The following NDUFAF2 variants were observed in gnomAD, a reference collection of about 807,000 sequenced individuals.
NDUFAF2 encodes NADH dehydrogenase [ubiquinone] 1 alpha subcomplex assembly factor 2.
NDUFAF2 carries 13 observed loss-of-function variants against 22.8 expected under a neutral mutation model. The observed-to-expected ratio is 0.57, with a 90% CI of 0.37 to 0.91. The LOEUF is 0.91. NDUFAF2 is among the 40% of genes least tolerant of loss of function. NDUFAF2 has a pLI of 0.01. For synonymous variants in NDUFAF2, 53 were observed against 64.2 expected, an observed-to-expected ratio of 0.83 and a Z score of 0.84; for missense variants, 162 against 195.2, an observed-to-expected ratio of 0.83 and a Z score of 1.01.
At chr5:60,945,460 A>G (rs1312281076) in intron 1 of NDUFAF2, 78 bp downstream of exon 1, 19 of 1,595,516 alleles carry the variant, frequency 1.2e-5, no homozygotes, top group Middle Eastern at 3.3e-4. Context: ...GAGAGCCCCT[A>G]GTCAACTAAC....
chr5:61,015,361 A>G (rs980622789), intron 1 of NDUFAF2, among the ~76,000 whole-genome samples: 1 of 152,148 alleles, frequency 6.6e-6, no homozygotes, highest in African/African-American at 2.4e-5. Flanking sequence ...GGCTCACTGC[A>G]ACCTCTGCCT....
intron 3 of NDUFAF2, among the ~76,000 whole-genome samples, chr5:61,109,701 A>C (rs1394336924): frequency 1.3e-5 from 2 of 152,128 alleles, no homozygotes; most frequent in Non-Finnish European, 2.9e-5. Flanking sequence ...TAGTGAGTAA[A>C]TTCTCATGAG....
At chr5:61,033,412 C>A (rs1443272287) in intron 1 of NDUFAF2, among the ~76,000 whole-genome samples, 1 of 152,080 alleles carries the variant, frequency 6.6e-6, no homozygotes, top group Non-Finnish European at 1.5e-5. Context: ...TTAAAGACAT[C>A]ATTTCAAGTA....
chr5:60,971,382 G>A (rs1014759091), intron 1 of NDUFAF2, among the ~76,000 whole-genome samples: 3 of 151,648 alleles, frequency 2.0e-5, no homozygotes, highest in Non-Finnish European at 4.4e-5. Context: ...CGCCTCCCGG[G>A]TTCACGCCAT....
intron 1 of NDUFAF2, among the ~76,000 whole-genome samples, chr5:60,975,816 G>A (rs1043446751): frequency 2.6e-5 from 4 of 152,148 alleles, no homozygotes; most frequent in African/African-American, 9.7e-5. Flanking sequence ...TTTTTAACAA[G>A]AAGGGAGGGA....
At chr5:61,045,079 T>A (rs1028087624) in intron 1 of NDUFAF2, among the ~76,000 whole-genome samples, 1 of 141,728 alleles carries the variant, frequency 7.1e-6, no homozygotes, top group African/African-American at 2.5e-5. Context: ...TTATTAAAAT[T>A]TAATAAAATA....
At chr5:61,134,947 A>G (rs1740901065) in intron 3 of NDUFAF2, among the ~76,000 whole-genome samples, 1 of 152,122 alleles carries the variant, frequency 6.6e-6, no homozygotes, top group South Asian at 2.1e-4. Flanking sequence ...AAAGGAATAC[A>G]AAGAAATCCT....
At chr5:61,030,160 T>G (rs576771260) in intron 1 of NDUFAF2, among the ~76,000 whole-genome samples, 1 of 152,224 alleles carries the variant, frequency 6.6e-6, no homozygotes, top group Admixed American at 6.5e-5. Flanking sequence ...ACAGTGAGTG[T>G]GAGGGTCTTT....
chr5:61,101,779 A>G (rs1056365796), intron 3 of NDUFAF2, among the ~76,000 whole-genome samples: 2 of 152,182 alleles, frequency 1.3e-5, no homozygotes, highest in African/African-American at 2.4e-5. Flanking sequence ...AAACATGTGC[A>G]AGATCTGTGT....
At chr5:61,040,298 G>A (rs867546040) in intron 1 of NDUFAF2, among the ~76,000 whole-genome samples, 2 of 149,630 alleles carry the variant, frequency 1.3e-5, no homozygotes, top group South Asian at 2.1e-4. Flanking sequence ...GCGCGCGCGC[G>A]CGCGAAAGTT....
intron 3 of NDUFAF2, among the ~76,000 whole-genome samples, chr5:61,121,327 A>G (rs542317726): frequency 6.6e-6 from 1 of 152,322 alleles, no homozygotes; most frequent in Non-Finnish European, 1.5e-5. Flanking sequence ...CTAAAACATC[A>G]GTAAATAGAT....
intron 1 of NDUFAF2, among the ~76,000 whole-genome samples, chr5:60,974,235 C>G (rs1224687012): frequency 6.6e-6 from 1 of 152,184 alleles, no homozygotes; most frequent in Non-Finnish European, 1.5e-5. Flanking sequence ...TCATCTTTCT[C>G]CTATGCCGGA....
chr5:61,060,333 A>G (rs1217665892), intron 1 of NDUFAF2, among the ~76,000 whole-genome samples: 1 of 152,164 alleles, frequency 6.6e-6, no homozygotes, highest in African/African-American at 2.4e-5. Flanking sequence ...GTTCAGAATA[A>G]CAAAGTTTGA....
chr5:61,113,482 G>T (rs1752870728), intron 3 of NDUFAF2, among the ~76,000 whole-genome samples: 1 of 152,150 alleles, frequency 6.6e-6, no homozygotes, highest in Admixed American at 6.6e-5. Flanking sequence ...TTGCATTGTA[G>T]TTCCCATAAT....
At chr5:61,099,180 A>G (rs1752677675) in intron 3 of NDUFAF2, 148 bp downstream of exon 3, 2 of 296,390 alleles carry the variant, frequency 6.7e-6, no homozygotes, top group South Asian at 1.3e-4. Flanking sequence ...AAATTAATAT[A>G]TAAACCTATA....
chr5:61,036,937 G>A (rs543154845), intron 1 of NDUFAF2, among the ~76,000 whole-genome samples: 2 of 152,248 alleles, frequency 1.3e-5, no homozygotes, highest in Non-Finnish European at 2.9e-5. Flanking sequence ...TCTGGGGCAG[G>A]GGTCAGAAGG....
intron 1 of NDUFAF2, among the ~76,000 whole-genome samples, chr5:60,962,534 A>G (rs1465324398): frequency 2.0e-5 from 3 of 152,162 alleles, no homozygotes; most frequent in Non-Finnish European, 4.4e-5. Flanking sequence ...ACCTTGTGCT[A>G]CATTCATAAA....
chr5:61,022,691 C>CTGGA (rs1250863504), intron 1 of NDUFAF2, among the ~76,000 whole-genome samples: 1 of 152,222 alleles, frequency 6.6e-6, no homozygotes, highest in African/African-American at 2.4e-5. Context: ...GTGGCCCAGG[C>CTGGA]TGGAGTGTAG....
At chr5:61,087,133 A>G (rs6868884) in intron 2 of NDUFAF2, among the ~76,000 whole-genome samples, 95,016 of 151,874 alleles carry the variant, frequency 0.63, 30,544 homozygotes, top group East Asian at 0.94. Flanking sequence ...CCTTAATGAT[A>G]ATATTAGTGC....
Sources: allele counts gnomAD v4.1 joint callset (sites outside exome capture counted in the v4.1 genomes callset), GRCh38; gene constraint gnomAD v4.1.1; transcripts MANE v1.5; gene names NCBI Gene and HGNC (gene_info 2026-07-23, HGNC 2026-07-21).